The following CCDC171 variants were observed in gnomAD, a reference collection of about 807,000 sequenced individuals.
CCDC171 encodes the protein coiled-coil domain-containing protein 171.
Under a neutral mutation model 168.2 loss-of-function variants are expected in CCDC171, and 177 were observed. The ratio of observed to expected loss-of-function variants is 1.05; its 90% CI spans 0.93 to 1.19. The LOEUF (loss-of-function observed/expected upper bound fraction) is 1.19, where lower values mean the gene tolerates loss of function less well. Ranked by LOEUF, CCDC171 falls within the 50% of genes most tolerant of loss-of-function variation. CCDC171 has a pLI of 0.00. For synonymous variants in CCDC171, 687 were observed against 540.8 expected (o/e 1.27, Z -3.75); for missense variants, 1,991 against 1,539.0 (o/e 1.29, Z -4.91).
At chr9:15,622,037 A>G (rs1460398036) in intron 6 of CCDC171, among the ~76,000 whole-genome samples, 1 of 152,226 alleles carries the variant, frequency 6.6e-6, no homozygotes, top group Non-Finnish European at 1.5e-5. Flanking sequence ...GGAACAGAAA[A>G]CCAAATACCA....
intron 24 of CCDC171, among the ~76,000 whole-genome samples, chr9:15,913,134 C>G (rs779862606): frequency 5.3e-5 from 8 of 152,178 alleles, no homozygotes; most frequent in Admixed American, 2.0e-4. Flanking sequence ...TTTTGTACTT[C>G]TGATAGAATT....
At chr9:15,853,430 T>A (rs1419906327) in intron 23 of CCDC171, among the ~76,000 whole-genome samples, 1 of 151,672 alleles carries the variant, frequency 6.6e-6, no homozygotes, top group Admixed American at 6.6e-5. Context: ...ATGTTTATCT[T>A]TTTGTATGTT....
At chr9:15,669,510 T>C (rs922076017) in intron 9 of CCDC171, among the ~76,000 whole-genome samples, 2 of 152,138 alleles carry the variant, frequency 1.3e-5, no homozygotes, top group Non-Finnish European at 2.9e-5. Flanking sequence ...TTTTGAAATA[T>C]GTGATAGATT....
intron 21 of CCDC171, among the ~76,000 whole-genome samples, chr9:15,808,582 T>G (rs1271868541): frequency 6.6e-6 from 1 of 152,186 alleles, no homozygotes; most frequent in Non-Finnish European, 1.5e-5. Context: ...AAAGAATCAT[T>G]GCTTGCTTTC....
chr9:15,711,236 C>A (rs6474952), intron 11 of CCDC171, among the ~76,000 whole-genome samples: 69,068 of 151,966 alleles, frequency 0.45, 16,031 homozygotes, highest in Non-Finnish European at 0.51. Context: ...ACAGATTGGA[C>A]AGTACAGAAT....
At chr9:16,098,245 T>G in the CCDC171 span, among the ~76,000 whole-genome samples, 1 of 152,118 alleles carries the variant, frequency 6.6e-6, no homozygotes, top group African/African-American at 2.4e-5. Context: ...ACTTACAGGG[T>G]CATTTTGAAG....
intron 24 of CCDC171, among the ~76,000 whole-genome samples, chr9:15,905,700 C>T (rs1211299432): frequency 6.6e-6 from 1 of 151,994 alleles, no homozygotes; most frequent in Non-Finnish European, 1.5e-5. Flanking sequence ...GATAGAGACA[C>T]AAAAAACCCT....
At chr9:15,830,384 G>T (rs545954771) in intron 21 of CCDC171, among the ~76,000 whole-genome samples, 4 of 152,184 alleles carry the variant, frequency 2.6e-5, no homozygotes, top group Admixed American at 2.0e-4. Context: ...AGTTACAGAA[G>T]AAAGCAGGAT....
At chr9:16,047,356 C>T (rs1291483586) in intron 1 of CCDC171, among the ~76,000 whole-genome samples, 11 of 152,114 alleles carry the variant, frequency 7.2e-5, no homozygotes, top group Non-Finnish European at 1.0e-4. Context: ...TCCTAACCAC[C>T]TGCCTTTCAC....
chr9:15,920,376 C>A lies in CCDC171; in HGVS notation c.3707C>A (p.Ser1236Ter). ...SHRSHIAALK[S>*]ELHTACLREN... ...CGAAGTCACATTGCAGCCTTGAAAT[C>A]AGAACTTCACACAGCTTGTTTACGT... Residue 1236 changes from serine to a stop codon, truncating the protein, a stop_gained, in exon 25 of 26, where the codon TCA becomes TAA. Coordinates refer to ENST00000380701, the MANE Select transcript of CCDC171 (RefSeq NM_173550.4). LOFTEE classifies it high-confidence loss of function. 6.2e-7 allele frequency: 1 copy of A among 1,609,516 alleles called. No homozygotes were observed. The highest frequency in any genetic ancestry group is 8.5e-7 in the Non-Finnish European group (1 of 1,177,090).
intron 6 of CCDC171, among the ~76,000 whole-genome samples, chr9:15,612,977 A>G (rs367626218): frequency 6.6e-6 from 1 of 152,176 alleles, no homozygotes; most frequent in Non-Finnish European, 1.5e-5. Context: ...TCTGTCGCCT[A>G]TTTGAGATTT....
chr9:16,082,885 C>A, the CCDC171 span, among the ~76,000 whole-genome samples: 1 of 152,172 alleles, frequency 6.6e-6, no homozygotes, highest in Non-Finnish European at 1.5e-5. Flanking sequence ...TCAAATCAAG[C>A]TGACATTTAT....
At chr9:15,642,657 A>C (rs1049254293) in intron 7 of CCDC171, among the ~76,000 whole-genome samples, 1 of 152,038 alleles carries the variant, frequency 6.6e-6, no homozygotes, top group Admixed American at 6.6e-5. Context: ...AGTTTGTTTA[A>C]AGATTTGAAG....
At chr9:15,750,469 G>C (rs2055645789) in intron 18 of CCDC171, among the ~76,000 whole-genome samples, 1 of 152,218 alleles carries the variant, frequency 6.6e-6, no homozygotes, top group East Asian at 1.9e-4. Flanking sequence ...CCTTTTATGA[G>C]GCCAGCATCA....
the CCDC171 span, among the ~76,000 whole-genome samples, chr9:16,090,893 TAGG>T: frequency 1.3e-5 from 2 of 152,338 alleles, no homozygotes; most frequent in East Asian, 3.9e-4. Flanking sequence ...ATCAGGACAA[TAGG>T]AGAAGTAATT....
chr9:15,552,885 A>G (rs1319993424), upstream of CCDC171, among the ~76,000 whole-genome samples: 4 of 146,478 alleles, frequency 2.7e-5, no homozygotes, highest in East Asian at 7.0e-4. Context: ...GCAACGGCGC[A>G]TGCGCCCGTT....
intron 6 of CCDC171, among the ~76,000 whole-genome samples, chr9:15,607,463 C>G (rs2043310717): frequency 6.6e-6 from 1 of 151,780 alleles, no homozygotes; most frequent in African/African-American, 2.4e-5. Flanking sequence ...TTATATTTTT[C>G]ACTTTTTTTT....
the CCDC171 span, among the ~76,000 whole-genome samples, chr9:16,074,430 T>G: frequency 6.6e-6 from 1 of 152,230 alleles, no homozygotes; most frequent in African/African-American, 2.4e-5. Context: ...CAACTTCCAT[T>G]ATTACTTTAC....
At chr9:15,739,361 T>TA (rs1429328205) in intron 16 of CCDC171, among the ~76,000 whole-genome samples, 1 of 152,084 alleles carries the variant, frequency 6.6e-6, no homozygotes, top group African/African-American at 2.4e-5. Context: ...TTGAGGACAG[T>TA]GGGAGAAGGT....
Sources: gnomAD v4.1 joint callset for allele counts (sites outside exome capture counted in the v4.1 genomes callset) on GRCh38, gnomAD v4.1.1 for gene constraint, MANE v1.5 for transcripts, NCBI Gene and HGNC (gene_info 2026-07-23, HGNC 2026-07-21) for gene names.